The following TRHDE variants were observed in gnomAD, a reference collection of about 807,000 sequenced individuals.
The protein encoded by TRHDE is thyrotropin-releasing hormone-degrading ectoenzyme.
A neutral mutation model predicts 125.7 loss-of-function variants in TRHDE; 72 were observed. That is an observed-to-expected ratio of 0.57 (90% CI 0.47 to 0.70). The LOEUF is 0.70. Ranked by LOEUF, TRHDE falls within the 30% of genes least tolerant of loss-of-function variation. The pLI, the probability that TRHDE is intolerant of heterozygous loss-of-function variation, is 0.00. For synonymous variants in TRHDE, 509 were observed against 509.1 expected (o/e 1.00, Z 0.00); for missense variants, 1,110 against 1,327.1 (o/e 0.84, Z 2.54).
At chr12:72,331,737 C>G (rs1869608542) in intron 2 of TRHDE, among the ~76,000 whole-genome samples, 1 of 152,034 alleles carries the variant, frequency 6.6e-6, no homozygotes, top group Non-Finnish European at 1.5e-5. Flanking sequence ...AATGGCCCAA[C>G]CTAGAGGAAG....
chr12:72,142,777 C>T (rs1408644654), intron 2 of TRHDE, among the ~76,000 whole-genome samples: 5 of 152,088 alleles, frequency 3.3e-5, no homozygotes, highest in Non-Finnish European at 7.3e-5. Flanking sequence ...TGAGGAACAT[C>T]TGGACGCCAA....
chr12:72,622,316 G>GA (rs1456904037), intron 15 of TRHDE, among the ~76,000 whole-genome samples: 9 of 151,708 alleles, frequency 5.9e-5, no homozygotes, highest in African/African-American at 2.2e-4. Flanking sequence ...TACTTTTAAG[G>GA]AAAAAAATAC....
chr12:72,423,311 T>G (rs1874036212), intron 3 of TRHDE, among the ~76,000 whole-genome samples: 1 of 152,198 alleles, frequency 6.6e-6, no homozygotes, highest in Non-Finnish European at 1.5e-5. Flanking sequence ...ATATGTTTAT[T>G]GAGATGCAAC....
intron 2 of TRHDE, chr12:72,263,161 TGTGTGCTGAA>T (rs1878989884): frequency 6.6e-6 from 1 of 152,114 alleles, no homozygotes; most frequent in Non-Finnish European, 1.5e-5. Flanking sequence ...TCCCAGGAAT[TGTGTGCTGAA>T]GTATCACCTA....
At chr12:72,340,793 C>T (rs927485369) in intron 2 of TRHDE, among the ~76,000 whole-genome samples, 1 of 152,096 alleles carries the variant, frequency 6.6e-6, no homozygotes. Flanking sequence ...TTGGCCAGAA[C>T]ATGGTCACAC....
At chr12:72,150,483 G>T (rs1281619470) in intron 2 of TRHDE, among the ~76,000 whole-genome samples, 1 of 150,446 alleles carries the variant, frequency 6.6e-6, no homozygotes, top group Non-Finnish European at 1.5e-5. Flanking sequence ...GTGCCATGTT[G>T]GTGTGCTGCA....
intron 3 of TRHDE, among the ~76,000 whole-genome samples, chr12:72,379,991 C>T (rs941938039): frequency 1.3e-5 from 2 of 152,168 alleles, no homozygotes; most frequent in African/African-American, 4.8e-5. Flanking sequence ...AACCCCTAAG[C>T]ACATACGCAT....
At chr12:72,459,726 C>A (rs1215698662) in intron 3 of TRHDE, among the ~76,000 whole-genome samples, 1 of 152,050 alleles carries the variant, frequency 6.6e-6, no homozygotes, top group African/African-American at 2.4e-5. Flanking sequence ...CTCAAGCAAT[C>A]CTCCAACCTC....
chr12:72,277,845 A>G (rs1879545211), intron 1 of TRHDE, among the ~76,000 whole-genome samples: 1 of 152,158 alleles, frequency 6.6e-6, no homozygotes. Context: ...AAAATTGTGT[A>G]TATTTATCTT....
intron 12 of TRHDE, among the ~76,000 whole-genome samples, chr12:72,603,866 C>A (rs1367390143): frequency 6.6e-6 from 1 of 151,928 alleles, no homozygotes; most frequent in Non-Finnish European, 1.5e-5. Flanking sequence ...GGTGACTAAA[C>A]TGAGCTTTAA....
At chr12:72,160,214 T>G (rs964040718) in intron 2 of TRHDE, among the ~76,000 whole-genome samples, 1 of 152,192 alleles carries the variant, frequency 6.6e-6, no homozygotes, top group African/African-American at 2.4e-5. Flanking sequence ...GATTTCCATT[T>G]GAATACTGCT....
chr12:72,647,223 T>C (rs1874318245), intron 15 of TRHDE, among the ~76,000 whole-genome samples: 1 of 151,898 alleles, frequency 6.6e-6, no homozygotes. Flanking sequence ...TGAACAACAA[T>C]TGAGTCAAGA....
chr12:72,527,499 T>C (rs560922603), intron 6 of TRHDE, among the ~76,000 whole-genome samples: 76 of 150,994 alleles, frequency 5.0e-4, no homozygotes, highest in Non-Finnish European at 7.4e-4. Context: ...CCAGAAGAAA[T>C]GGCCATCAGA....
chr12:72,283,888 AAAT>A (rs1264735320), intron 1 of TRHDE, among the ~76,000 whole-genome samples: 2 of 151,834 alleles, frequency 1.3e-5, no homozygotes, highest in Non-Finnish European at 1.5e-5. Context: ...TTCCATGAGG[AAAT>A]ATTATACATA....
chr12:72,363,220 T>G (rs549768060), intron 2 of TRHDE, among the ~76,000 whole-genome samples: 2 of 151,988 alleles, frequency 1.3e-5, no homozygotes, highest in South Asian at 4.1e-4. Flanking sequence ...CCATTCCTTC[T>G]GAAACTATTC....
At chr12:72,300,365 TAC>T (rs10642447) in intron 2 of TRHDE, among the ~76,000 whole-genome samples, 38,760 of 102,346 alleles carry the variant, frequency 0.38, 4,936 homozygotes, top group Middle Eastern at 0.47. Flanking sequence ...TATATGTGTA[TAC>T]ACACACACAC....
intron 6 of TRHDE, among the ~76,000 whole-genome samples, chr12:72,513,903 C>T (rs949840279): frequency 1.3e-5 from 2 of 152,084 alleles, no homozygotes; most frequent in Non-Finnish European, 1.5e-5. Context: ...ATAAACCTAT[C>T]CCCATCCTCA....
rs184722794 is a variant in TRHDE, at chr12:72,181,754, A to G, written n.279+76002A>G. ...GGCAGGTCTCTGTGGGGAGAAGCCT[A>G]GAAATTTCTAGCTGCTCTGCTTGCT... On this transcript the variant is annotated intron_variant and non_coding_transcript_variant, in intron 2 of 4. Coordinates refer to the TRHDE transcript ENST00000548156. 2.8e-3 allele frequency among the ~76,000 whole-genome samples: 424 copies of G among 152,212 alleles called. 1 individual carries two copies. The highest frequency in any genetic ancestry group is 0.017 in the Middle Eastern group (5 of 294).
chr12:72,450,203 A>G (rs955266715), intron 3 of TRHDE, among the ~76,000 whole-genome samples: 4 of 152,030 alleles, frequency 2.6e-5, no homozygotes, highest in Admixed American at 6.6e-5. Context: ...AAATGCCTCT[A>G]TATTTTACAT....
Sources: allele counts gnomAD v4.1 joint callset (sites outside exome capture counted in the v4.1 genomes callset), GRCh38; gene constraint gnomAD v4.1.1; transcripts MANE v1.5; gene names NCBI Gene and HGNC (gene_info 2026-07-23, HGNC 2026-07-21).